OSBPL2: variants seen among roughly 807,000 people sequenced by gnomAD.
OSBPL2 encodes oxysterol-binding protein-related protein 2.
A neutral mutation model predicts 58.4 loss-of-function variants in OSBPL2; 18 were observed. The observed-to-expected ratio is 0.31, with a 90% CI of 0.21 to 0.46. OSBPL2 has a LOEUF of 0.46. Among genes scored for constraint, OSBPL2 ranks in the 20% least tolerant of loss-of-function variants. The probability of loss-of-function intolerance (pLI) is 1.00; values close to 1 mark genes in which losing one functional copy is unlikely to be tolerated. For synonymous variants in OSBPL2, 221 were observed against 234.1 expected (o/e 0.94, Z 0.51); for missense variants, 461 against 616.5 (o/e 0.75, Z 2.67).
intron 6 of OSBPL2, among the ~76,000 whole-genome samples, chr20:62,275,109 G>A (rs1448695472): frequency 6.6e-6 from 1 of 152,164 alleles, no homozygotes; most frequent in Non-Finnish European, 1.5e-5. Context: ...CTCAGGAGGC[G>A]AGGCAGGAGC....
chr20:62,267,851 C>G (rs894926067), intron 4 of OSBPL2, among the ~76,000 whole-genome samples: 1 of 151,900 alleles, frequency 6.6e-6, no homozygotes, highest in Admixed American at 6.6e-5. Context: ...TTGTCATTGT[C>G]TTCAGGGTAT....
intron 12 of OSBPL2, 93 bp from the exon 13 acceptor site, chr20:62,291,610 G>T: frequency 9.7e-7 from 1 of 1,033,960 alleles, no homozygotes. Context: ...CAGCCACAGT[G>T]AGACATGCCA....
chr20:62,259,917 G>C, intron 2 of OSBPL2, 64 bp from the exon 3 acceptor site: 1 of 1,489,098 alleles, frequency 6.7e-7, no homozygotes, highest in South Asian at 1.2e-5. Context: ...CAGAATTCTT[G>C]GAGGTAGGCT....
At chr20:62,262,218 C>T (rs1981363594) in intron 3 of OSBPL2, among the ~76,000 whole-genome samples, 1 of 152,150 alleles carries the variant, frequency 6.6e-6, no homozygotes, top group African/African-American at 2.4e-5. Flanking sequence ...TCGGACAGTG[C>T]ACCATGTGGT....
intron 1 of OSBPL2, among the ~76,000 whole-genome samples, chr20:62,247,197 C>T (rs150640042): frequency 6.6e-5 from 10 of 152,342 alleles, no homozygotes; most frequent in Admixed American, 1.3e-4. Flanking sequence ...CCGGGAACTT[C>T]GCTTGGCCCT....
chr20:62,280,954 G>A, intron 7 of OSBPL2, 104 bp from the exon 8 acceptor site: 1 of 800,690 alleles, frequency 1.2e-6, no homozygotes, highest in Non-Finnish European at 2.2e-6. Flanking sequence ...TCTCCCGCGG[G>A]TGCCGGTTGC....
At chr20:62,246,143 G>C (rs571561776) in intron 1 of OSBPL2, among the ~76,000 whole-genome samples, 1 of 152,244 alleles carries the variant, frequency 6.6e-6, no homozygotes, top group Non-Finnish European at 1.5e-5. Flanking sequence ...TGCTGCCGCC[G>C]CCTCCATCTT....
intron 7 of OSBPL2, among the ~76,000 whole-genome samples, chr20:62,279,757 A>G (rs1382987798): frequency 1.3e-5 from 2 of 152,216 alleles, no homozygotes; most frequent in African/African-American, 4.8e-5. Flanking sequence ...TGCGGTGGCA[A>G]TGAGGGTTGG....
At chr20:62,258,520 C>T (rs1056788817) in intron 2 of OSBPL2, among the ~76,000 whole-genome samples, 4 of 152,180 alleles carry the variant, frequency 2.6e-5, no homozygotes, top group Admixed American at 1.3e-4. Context: ...CAAGGGTTTC[C>T]GAGGGAGCCG....
At chr20:62,248,399 G>A (rs1225512468) in intron 1 of OSBPL2, among the ~76,000 whole-genome samples, 4 of 151,942 alleles carry the variant, frequency 2.6e-5, no homozygotes, top group East Asian at 1.9e-4. Context: ...CAGGTGATCC[G>A]TCCACCTCGG....
At chr20:62,279,936 G>C in intron 7 of OSBPL2, 29 of 1,301,942 alleles carry the variant, frequency 2.2e-5, no homozygotes, top group Non-Finnish European at 2.8e-5. Context: ...ATTTGAAACA[G>C]CGTGGGAGGG....
In OSBPL2 at chr20:62,263,670, C is replaced by T; in HGVS notation, c.237C>T (p.Ile79=). The T allele has an allele frequency of 1.2e-6, 2 of 1,614,128 alleles. No homozygotes were observed. Among genetic ancestry groups the T allele is most frequent in the South Asian group, 2.2e-5 (2 of 91,082 alleles). Residue 79 remains isoleucine (I), a synonymous_variant, in exon 4 of 14, where the codon ATC becomes ATT. Transcript: ENST00000313733. ...FSRSDFSVWT[I]LKKCVGLELS... ...GAAGCGACTTCAGCGTGTGGACCATCCTGAAGAAGTGTGTTGGCCTGGTGA... is the reference window on the plus strand; with the variant it reads ...GAAGCGACTTCAGCGTGTGGACCATTCTGAAGAAGTGTGTTGGCCTGGTGA...
intron 4 of OSBPL2, among the ~76,000 whole-genome samples, chr20:62,270,118 G>T (rs994575690): frequency 1.3e-5 from 2 of 152,176 alleles, no homozygotes; most frequent in African/African-American, 2.4e-5. Flanking sequence ...TGCACACCCC[G>T]CCCACCCTCC....
At chr20:62,270,103 T>C (rs1386469740) in intron 4 of OSBPL2, among the ~76,000 whole-genome samples, 1 of 152,200 alleles carries the variant, frequency 6.6e-6, no homozygotes, top group African/African-American at 2.4e-5. Context: ...GTCCTTGTGG[T>C]GCTGTGCACA....
In OSBPL2 at chr20:62,256,092, T is replaced by C. The variant is rs374574175; in HGVS notation, c.-93T>C. 6.8e-7 allele frequency: 1 copy of C among 1,468,412 alleles called. No homozygotes were observed. Among genetic ancestry groups the C allele is most frequent in the East Asian group, 2.4e-5 (1 of 42,292 alleles). The allele number at this position is 1,468,412 out of a possible 1,614,324, so 91.0% of individuals were successfully genotyped here. On this transcript the variant is annotated 5_prime_UTR_variant, in exon 2 of 14. Coordinates refer to ENST00000313733, the MANE Select transcript of OSBPL2 (RefSeq NM_144498.4). Reference sequence around the variant, plus strand: ...TCTATTGGATTTTTCCAAGAGAAAGTTTGTAAAATTCCTTACACTGTAGAT... The same window carrying C: ...TCTATTGGATTTTTCCAAGAGAAAGCTTGTAAAATTCCTTACACTGTAGAT...
intron 6 of OSBPL2, among the ~76,000 whole-genome samples, chr20:62,275,334 T>C (rs1982318687): frequency 6.6e-6 from 1 of 152,216 alleles, no homozygotes; most frequent in South Asian, 2.1e-4. Context: ...TTTTCTAAAT[T>C]AGAGTGTTTC....
chr20:62,277,143 C>T (rs777109843), intron 6 of OSBPL2, among the ~76,000 whole-genome samples: 72 of 151,748 alleles, frequency 4.7e-4, no homozygotes, highest in Admixed American at 9.8e-4. Context: ...CCCAGCTACT[C>T]GGGAGGCTGA....
At chr20:62,278,693 TG>T (rs1982573822) in intron 6 of OSBPL2, 1 of 180,138 alleles carries the variant, frequency 5.6e-6, no homozygotes, top group African/African-American at 2.8e-5. Flanking sequence ...TGTTTGTGTG[TG>T]TGTGTCTGTT....
intron 1 of OSBPL2, among the ~76,000 whole-genome samples, chr20:62,253,277 G>A (rs963489767): frequency 1.3e-5 from 2 of 152,254 alleles, no homozygotes; most frequent in Non-Finnish European, 2.9e-5. Flanking sequence ...AGCAGTGTGT[G>A]TAGGGAAGGC....
Sources: allele counts gnomAD v4.1 joint callset (sites outside exome capture counted in the v4.1 genomes callset), GRCh38; gene constraint gnomAD v4.1.1; transcripts MANE v1.5; gene names NCBI Gene and HGNC (gene_info 2026-07-23, HGNC 2026-07-21).